Variants in PALB2 observed in about 807,000 individuals in gnomAD.
The protein encoded by PALB2 is mutant partner and localizer of BRCA2.
A neutral mutation model predicts 107.4 loss-of-function variants in PALB2; 82 were observed. The ratio of observed to expected loss-of-function variants is 0.76; its 90% CI spans 0.64 to 0.92. The LOEUF is 0.92. PALB2 is among the 40% of genes least tolerant of loss of function. The pLI, the probability that PALB2 is intolerant of heterozygous loss-of-function variation, is 0.00. For synonymous variants in PALB2, 489 were observed against 496.8 expected (o/e 0.98, Z 0.21); for missense variants, 1,374 against 1,379.9 (o/e 1.00, Z 0.07).
chr16:23,619,170 A>G (rs1966731697), intron 10 of PALB2, among the ~76,000 whole-genome samples: 1 of 152,220 alleles, frequency 6.6e-6, no homozygotes, highest in African/African-American at 2.4e-5. Flanking sequence ...AACAGTTAAT[A>G]GACAAGGCTT....
chr16:23,610,542 C>A (rs976195797), intron 11 of PALB2, among the ~76,000 whole-genome samples: 6 of 151,292 alleles, frequency 4.0e-5, no homozygotes, highest in African/African-American at 1.5e-4. Context: ...CTCCTGACCT[C>A]GTGATCTGCC....
At chr16:23,623,900 A>C (rs560511735) in intron 8 of PALB2, 109 bp downstream of exon 8, 4 of 751,124 alleles carry the variant, frequency 5.3e-6, no homozygotes, top group Non-Finnish European at 9.4e-6. Flanking sequence ...CTCTCTTTAG[A>C]TCTTTCAGAT....
rs747602268 is a variant in PALB2 at position 23,611,117 on chromosome 16, TATCTATCA to T, written c.3201+2879_3201+2886del. Among the ~76,000 whole-genome samples the T allele has an allele frequency of 8.1e-3, 1,174 of 144,196 alleles. 6 individuals carry two copies. Among genetic ancestry groups the T allele is most frequent in the South Asian group, 0.012 (56 of 4,694 alleles). 94.6% of individuals were successfully genotyped at this position (144,196 alleles called of 152,430 possible). A position where few individuals can be genotyped will look rare whatever the true frequency, so the allele number is the denominator to read the frequency against. On this transcript the variant is annotated intron_variant, in intron 11 of 12. Coordinates refer to ENST00000261584, the MANE Select transcript of PALB2 (RefSeq NM_024675.4). ...CTATCTATCTATCTATCTATCTATC[TATCTATCA>T]ATCTATCTATTCGTTGTTGTTGTTG...
intron 12 of PALB2, chr16:23,607,338 G>C (rs1336116181): frequency 6.6e-6 from 1 of 151,020 alleles, no homozygotes; most frequent in Non-Finnish European, 1.4e-5. Context: ...TGCCAGGCTT[G>C]AGTGAAGTGG....
chr16:23,634,881 T>C lies in PALB2; in HGVS notation c.1665A>G (p.Lys555=), dbSNP rs45518838. 1.9e-6 allele frequency: 3 copies of C among 1,613,928 alleles called. No individual in the cohort carries two copies. The highest frequency in any genetic ancestry group is 2.5e-6 in the Non-Finnish European group (3 of 1,179,864). Residue 555 remains lysine, a synonymous_variant, in exon 4 of 13, where the codon AAA becomes AAG. Coordinates refer to ENST00000261584, the MANE Select transcript of PALB2 (RefSeq NM_024675.4). The part of the protein sequence containing the change: ...EVTSHKYQHE[K]LFIQVKGKKS... ...ATTTACCTTTCACTTGAATAAATAA[T>C]TTTTCGTGCTGATATTTGTGTGAGG... is the stretch of plus-strand genomic sequence containing the variant.
intron 5 of PALB2, 69 bp from the exon 6 acceptor site, chr16:23,629,344 T>C (rs2142369864): frequency 1.5e-6 from 2 of 1,335,330 alleles, no homozygotes; most frequent in Non-Finnish European, 2.1e-6. Context: ...TACCCACTCA[T>C]CAAAATGTCT....
In PALB2 at chr16:23,626,280, C is replaced by A. The variant is rs1217869849; in HGVS notation, c.2704G>T (p.Asp902Tyr). Residue 902 changes from aspartate (D) to tyrosine (Y), a missense_variant, in exon 7 of 13, where the codon GAT becomes TAT. Coordinates refer to ENST00000261584, the MANE Select transcript of PALB2 (RefSeq NM_024675.4). ...TAAAGTTTTTCCCACTGCCAAGCATCCAGAGCTTTCCAAAGAGAAACTACA... is the reference window on the plus strand; with the variant it reads ...TAAAGTTTTTCCCACTGCCAAGCATACAGAGCTTTCCAAAGAGAAACTACA... ...EDVVSLWKAL[D>Y]AWQWEKLYTW... The A allele has an allele frequency of 1.2e-6, 2 of 1,614,162 alleles. No homozygotes were observed. The highest frequency in any genetic ancestry group is 3.3e-5 in the Admixed American group (2 of 60,012).
In PALB2 at chr16:23,608,020, C is replaced by T. The variant is rs367979106; in HGVS notation, c.3202-8G>A. On this transcript the variant is annotated splice_polypyrimidine_tract_variant and splice_region_variant and intron_variant, in intron 11 of 12. Coordinates refer to ENST00000261584, the MANE Select transcript of PALB2 (RefSeq NM_024675.4). ...GACAATAAAGAGAAGCCCCTAATTTCGGAGAAAAATAAATATCCCAAATAG... is the reference window on the plus strand; with the variant it reads ...GACAATAAAGAGAAGCCCCTAATTTTGGAGAAAAATAAATATCCCAAATAG... 1.7e-5 allele frequency: 27 copies of T among 1,612,996 alleles called. No homozygotes were observed. Among genetic ancestry groups the T allele is most frequent in the Non-Finnish European group, 2.1e-5 (25 of 1,179,204 alleles).
At position 23,621,338 on chromosome 16, in the gene PALB2, T is replaced by C. The variant is rs1966767086; in HGVS notation, c.3113+24A>G. ...ATCCTCATACTACAGATGAGGGAACTGAGGACCTAGAGGGAAAGCTTACCA... is the reference window on the plus strand; with the variant it reads ...ATCCTCATACTACAGATGAGGGAACCGAGGACCTAGAGGGAAAGCTTACCA... On this transcript the variant is annotated intron_variant, in intron 10 of 12. Transcript: ENST00000261584. The C allele has an allele frequency of 3.4e-6, 5 of 1,473,734 alleles. No homozygotes were observed. The East Asian group carries it at 9.0e-5, about 27-fold the overall frequency. 91.3% of individuals were successfully genotyped at this position (1,473,734 alleles called of 1,614,324 possible).
intron 10 of PALB2, among the ~76,000 whole-genome samples, chr16:23,615,578 T>C (rs1966670747): frequency 6.6e-6 from 1 of 152,150 alleles, no homozygotes; most frequent in Non-Finnish European, 1.5e-5. Flanking sequence ...GTGCTGGGAT[T>C]ACAGGTGTGA....
intron 12 of PALB2, among the ~76,000 whole-genome samples, chr16:23,606,820 G>T (rs1966484531): frequency 2.2e-5 from 2 of 90,524 alleles, no homozygotes; most frequent in African/African-American, 5.6e-5. Flanking sequence ...ACTGCACCCT[G>T]CTTTTTTTTT....
chr16:23,628,862 G>A (rs1429949635), intron 6 of PALB2, among the ~76,000 whole-genome samples: 1 of 152,100 alleles, frequency 6.6e-6, no homozygotes, highest in African/African-American at 2.4e-5. Flanking sequence ...TCAAACATCT[G>A]ACCTCAAGTG....
chr16:23,641,236 C>T lies in PALB2; in HGVS notation c.-79G>A, dbSNP rs1967242040. On this transcript the variant is annotated 5_prime_UTR_variant, in exon 1 of 13. Transcript: ENST00000261584. ...CACCGGGACCCAGTTGGCCCTGGGC[C>T]GGGGAGGCGCCCCAGGAAGGAATGG... 3 of 1,551,838 alleles carry T rather than the reference C, an allele frequency of 1.9e-6. No homozygotes were observed. In the African/African-American group the frequency reaches 4.1e-5, roughly 21 times the overall value.
chr16:23,603,743 A>G, intron 12 of PALB2, 74 bp from the exon 13 acceptor site: 1 of 1,378,724 alleles, frequency 7.3e-7, no homozygotes, highest in East Asian at 2.4e-5. Context: ...AAAGGTCAAA[A>G]CCATGTTCCC....
At position 23,624,030 on chromosome 16, in the gene PALB2, T is replaced by C. The variant is rs1567214357; in HGVS notation, c.2813A>G (p.Asn938Ser). Residue 938 changes from asparagine to serine, a missense_variant, in exon 8 of 13, where the codon AAT (asparagine) becomes AGT (serine). Asn to Ser is a conservative substitution (Grantham distance 46). Coordinates refer to ENST00000261584, the MANE Select transcript of PALB2 (RefSeq NM_024675.4). Reference sequence around the variant, plus strand: ...ATACCTGATCTCTCTGATTTCCAAATTTCCCAAAGCTACACACACGAGATT... The same window carrying C: ...ATACCTGATCTCTCTGATTTCCAAACTTCCCAAAGCTACACACACGAGATT... ...VYNLVCVALG[N>S]LEIREIRALF... The C allele has an allele frequency of 2.5e-6, 4 of 1,600,504 alleles. No individual in the cohort carries two copies. The highest frequency in any genetic ancestry group is 1.7e-5 in the Admixed American group (1 of 59,984).
chr16:23,621,732 T>A (rs557349324), intron 9 of PALB2, among the ~76,000 whole-genome samples: 1 of 152,338 alleles, frequency 6.6e-6, no homozygotes, highest in East Asian at 1.9e-4. Flanking sequence ...TATAAACCTT[T>A]TGTTTCTTTC....
At chr16:23,610,915 C>A (rs1354775612) in intron 11 of PALB2, among the ~76,000 whole-genome samples, 1 of 151,822 alleles carries the variant, frequency 6.6e-6, no homozygotes, top group Non-Finnish European at 1.5e-5. Context: ...GCAGGCACAC[C>A]TGTAATCCCA....
chr16:23,613,643 C>T (rs249934), intron 11 of PALB2, among the ~76,000 whole-genome samples: 46,539 of 149,816 alleles, frequency 0.31, 7,651 homozygotes, highest in African/African-American at 0.44. Flanking sequence ...AAACTCCATC[C>T]CAAAAAAAAA....
intron 4 of PALB2, 90 bp from the exon 5 acceptor site, chr16:23,630,559 T>G: frequency 6.6e-6 from 7 of 1,053,720 alleles, no homozygotes; most frequent in Non-Finnish European, 9.8e-6. Context: ...TAGGATCTCC[T>G]AGATTTAAAA....
Sources: allele counts gnomAD v4.1 joint callset (sites outside exome capture counted in the v4.1 genomes callset), GRCh38; gene constraint gnomAD v4.1.1; transcripts MANE v1.5; gene names NCBI Gene and HGNC (gene_info 2026-07-23, HGNC 2026-07-21).